The following ESR2 variants were observed in gnomAD, a reference collection of about 807,000 sequenced individuals.
ESR2 encodes estrogen receptor beta.
ESR2 carries 36 observed loss-of-function variants against 49.6 expected under a neutral mutation model. The ratio of observed to expected loss-of-function variants is 0.73; its 90% confidence interval spans 0.56 to 0.96. The LOEUF (loss-of-function observed/expected upper bound fraction) is 0.96. ESR2 is among the 40% of genes least tolerant of loss of function. The pLI, the probability that ESR2 is intolerant of heterozygous loss-of-function variation, is 0.00. For missense variants in ESR2, 714 were observed against 693.0 expected (o/e 1.03, Z -0.34); for synonymous variants, 320 against 266.1 (o/e 1.20, Z -1.97).
chr14:64,280,178 T>G lies in ESR2; in HGVS notation c.363-25A>C, dbSNP rs914128222. On this transcript the variant is annotated intron_variant, in intron 2 of 8. Transcript: ENST00000341099. Reference sequence around the variant, plus strand: ...TCTAGGGAGCAAAGAAAATATCCATTGAACAGAGCATAAAAGGGAAAGGAA... The same window carrying G: ...TCTAGGGAGCAAAGAAAATATCCATGGAACAGAGCATAAAAGGGAAAGGAA... 8 of 1,592,974 alleles carry G rather than the reference T, an allele frequency of 5.0e-6. No homozygotes were observed. The African/African-American group carries it at 8.2e-5, about 16-fold the overall frequency.
chr14:64,280,065 C>T lies in ESR2; in HGVS notation c.451G>A (p.Val151Ile). ...GSKRDAHFCA[V>I]CSDYASGYHY... The stretch of plus-strand genomic sequence containing the variant: ...TATCCCGATGCGTAATCGCTGCAGA[C>T]AGCGCAGAAGTGAGCATCCCTCTTT... Residue 151 changes from valine to isoleucine, a missense_variant, in exon 3 of 9, where the codon GTC (valine) becomes ATC (isoleucine). Val to Ile is a conservative substitution (Grantham distance 29, BLOSUM62 3). Coordinates refer to ENST00000341099, the MANE Select transcript of ESR2 (RefSeq NM_001437.3). 1.2e-6 allele frequency: 2 copies of T among 1,614,144 alleles called. No individual in the cohort carries two copies. The highest frequency in any genetic ancestry group is 1.1e-5 in the South Asian group (1 of 91,086).
At chr14:64,275,866 T>C (rs1433292360) in intron 3 of ESR2, among the ~76,000 whole-genome samples, 2 of 152,204 alleles carry the variant, frequency 1.3e-5, no homozygotes, top group African/African-American at 4.8e-5. Context: ...TAAATTTTAT[T>C]GTATGCATAT....
At chr14:64,287,856 C>T (rs565949189) in intron 1 of ESR2, among the ~76,000 whole-genome samples, 3 of 152,254 alleles carry the variant, frequency 2.0e-5, no homozygotes, top group East Asian at 1.9e-4. Context: ...CCCAACACAT[C>T]GATTGAATGT....
At chr14:64,288,441 C>T (rs1596462072) in intron 1 of ESR2, among the ~76,000 whole-genome samples, 2 of 151,012 alleles carry the variant, frequency 1.3e-5, no homozygotes, top group African/African-American at 2.4e-5. Context: ...CTCCACCTCC[C>T]GGGTTCAGCC....
intron 1 of ESR2, among the ~76,000 whole-genome samples, chr14:64,332,816 G>C (rs1596503773): frequency 6.7e-6 from 1 of 150,126 alleles, no homozygotes; most frequent in South Asian, 2.1e-4. Context: ...AAAAAAAAGG[G>C]TACCGTATAT....
chr14:64,318,044 G>T (rs1255956656), intron 1 of ESR2, among the ~76,000 whole-genome samples: 1 of 152,062 alleles, frequency 6.6e-6, no homozygotes, highest in Middle Eastern at 3.2e-3. Context: ...AGATTGAAAA[G>T]GAAGAAATGA....
chr14:64,253,356 A>C (rs2076027110), intron 6 of ESR2, among the ~76,000 whole-genome samples: 1 of 151,248 alleles, frequency 6.6e-6, no homozygotes, highest in Non-Finnish European at 1.5e-5. Flanking sequence ...ACACCCAGCT[A>C]ATTTTTGTAT....
intron 1 of ESR2, among the ~76,000 whole-genome samples, chr14:64,293,104 C>A (rs2076898839): frequency 6.6e-6 from 1 of 152,124 alleles, no homozygotes; most frequent in Admixed American, 6.5e-5. Flanking sequence ...GAACTCATAT[C>A]AAAATACATT....
intron 1 of ESR2, among the ~76,000 whole-genome samples, chr14:64,326,222 A>T (rs2077388312): frequency 6.6e-6 from 1 of 152,120 alleles, no homozygotes; most frequent in African/African-American, 2.4e-5. Context: ...TACCCCCAAC[A>T]GACTTCTATA....
chr14:64,329,660 T>G (rs1055017584), intron 1 of ESR2: 1 of 151,994 alleles, frequency 6.6e-6, no homozygotes, highest in Non-Finnish European at 1.5e-5. Context: ...ATGTGAAAAC[T>G]TGTATCATAC....
chr14:64,235,153 G>A lies in ESR2; in HGVS notation c.1226-3C>T. On this transcript the variant is annotated splice_region_variant and splice_polypyrimidine_tract_variant and intron_variant, in intron 7 of 8. Coordinates refer to ENST00000341099, the MANE Select transcript of ESR2 (RefSeq NM_001437.3). ...CGCTGTGACCAGAGGGTACATACCTGGACAAAGAATAAAAGCCAGAAGTCA... is the reference window on the plus strand; with the variant it reads ...CGCTGTGACCAGAGGGTACATACCTAGACAAAGAATAAAAGCCAGAAGTCA... 3 of 1,609,686 alleles carry A rather than the reference G, an allele frequency of 1.9e-6. No homozygotes were observed. Among genetic ancestry groups the A allele is most frequent in the African/African-American group, 1.3e-5 (1 of 75,018 alleles).
chr14:64,241,199 G>C (rs2075722470), intron 7 of ESR2, among the ~76,000 whole-genome samples: 1 of 150,434 alleles, frequency 6.6e-6, no homozygotes, highest in Non-Finnish European at 1.5e-5. Flanking sequence ...ATGATGTTCA[G>C]TAGGTTAGGT....
chr14:64,323,785 AG>A (rs2077355397), intron 1 of ESR2, among the ~76,000 whole-genome samples: 1 of 152,150 alleles, frequency 6.6e-6, no homozygotes, highest in Admixed American at 6.5e-5. Context: ...TCCACTTCCC[AG>A]GTTCAATCGA....
chr14:64,282,218 G>A (rs2076685801), intron 2 of ESR2, among the ~76,000 whole-genome samples: 1 of 152,108 alleles, frequency 6.6e-6, no homozygotes, highest in Non-Finnish European at 1.5e-5. Context: ...GGTGGCACGC[G>A]CCTGTAATCC....
chr14:64,308,992 G>T (rs2077149388), intron 1 of ESR2, among the ~76,000 whole-genome samples: 1 of 151,624 alleles, frequency 6.6e-6, no homozygotes, highest in South Asian at 2.1e-4. Context: ...AAAGAAAAGA[G>T]AAAAGAAAGA....
chr14:64,301,132 ATC>A (rs144997285), intron 1 of ESR2, among the ~76,000 whole-genome samples: 1,545 of 152,276 alleles, frequency 0.01, 32 homozygotes, highest in African/African-American at 0.035. Context: ...TTCAAACCAG[ATC>A]TGTTTCACAC....
At chr14:64,242,451 A>C (rs111772086) in intron 7 of ESR2, among the ~76,000 whole-genome samples, 2 of 126,622 alleles carry the variant, frequency 1.6e-5, no homozygotes, top group African/African-American at 5.7e-5. Context: ...AAACAAAAAA[A>C]ATATATATAT....
intron 6 of ESR2, among the ~76,000 whole-genome samples, chr14:64,252,694 C>T (rs749642997): frequency 6.6e-5 from 10 of 152,124 alleles, no homozygotes; most frequent in Admixed American, 1.3e-4. Flanking sequence ...AAAGCATAAG[C>T]TCCTGTGAGA....
intron 1 of ESR2, among the ~76,000 whole-genome samples, chr14:64,299,472 G>A (rs748899251): frequency 2.9e-5 from 4 of 138,882 alleles, no homozygotes; most frequent in Non-Finnish European, 6.1e-5. Context: ...ACAATCTTCC[G>A]CCTCAGCCCC....
Sources: gnomAD v4.1 joint callset for allele counts (sites outside exome capture counted in the v4.1 genomes callset) on GRCh38, gnomAD v4.1.1 for gene constraint, MANE v1.5 for transcripts, NCBI Gene and HGNC (gene_info 2026-07-23, HGNC 2026-07-21) for gene names.